The following MIB1 variants were observed in gnomAD, a reference collection of about 807,000 sequenced individuals.
MIB1 encodes the protein MIB E3 ubiquitin protein ligase 1.
In MIB1, 278 loss-of-function variants were observed where a neutral mutation model predicts 124.5. The ratio of observed to expected loss-of-function variants is 2.23; its 90% CI spans 2.02 to 2.47. MIB1 has a LOEUF of 2.47. Among genes scored for constraint, MIB1 ranks in the 30% most tolerant of loss-of-function variants. The pLI is 0.00. For missense variants in MIB1, 957 were observed against 1,254.4 expected (o/e 0.76, Z 3.58); for synonymous variants, 446 against 429.4 (o/e 1.04, Z -0.48).
chr18:21,778,277 T>C, intron 5 of MIB1, 108 bp downstream of exon 5: 1 of 734,586 alleles, frequency 1.4e-6, no homozygotes, highest in Non-Finnish European at 2.2e-6. Context: ...TAAAGTTACT[T>C]AGAGAAAAAA....
upstream of MIB1, among the ~76,000 whole-genome samples, chr18:21,739,935 C>A (rs938284985): frequency 1.3e-4 from 19 of 149,422 alleles, no homozygotes; most frequent in South Asian, 6.3e-4. Flanking sequence ...AAAAAAAAAA[C>A]AACAACAAAA....
At chr18:21,720,541 A>G (rs890202532) in intron 1 of MIB1, among the ~76,000 whole-genome samples, 17 of 151,990 alleles carry the variant, frequency 1.1e-4, no homozygotes, top group African/African-American at 3.6e-4. Context: ...TCAGAGGTCT[A>G]TGCAATGTGT....
chr18:21,793,066 G>A lies in MIB1; in HGVS notation c.1092+1509G>A, dbSNP rs150378306. ...ACAGCTATTGAGTCTGCATCTCTTC[G>A]TATGGGAGCAGAGAGAATTAATGAG... On this transcript the variant is annotated intron_variant, in intron 7 of 20. Coordinates refer to ENST00000261537, the MANE Select transcript of MIB1 (RefSeq NM_020774.4). Among the ~76,000 whole-genome samples, 489 of 152,284 alleles carry A rather than the reference G, an allele frequency of 3.2e-3. 1 individual carries two copies. Among genetic ancestry groups the A allele is most frequent in the Non-Finnish European group, 5.4e-3 (370 of 68,018 alleles).
Position 21,846,399 on chromosome 18 carries a change from C to T in MIB1, c.2212-545C>T, listed in dbSNP as rs114953686. On this transcript the variant is annotated intron_variant, in intron 15 of 20. Transcript: ENST00000261537. Reference sequence around the variant, plus strand: ...ATTTTAGACACTCAATAAATGTTAACAGTTATTGTGACTATTTTCACATAA... The same window carrying T: ...ATTTTAGACACTCAATAAATGTTAATAGTTATTGTGACTATTTTCACATAA... Among the ~76,000 whole-genome samples the T allele has an allele frequency of 9.3e-3, 1,413 of 152,208 alleles. 17 individuals are homozygous for T. Among genetic ancestry groups the T allele is most frequent in the African/African-American group, 0.028 (1,162 of 41,514 alleles).
chr18:21,864,500 T>A, intron 20 of MIB1, 26 bp from the exon 21 acceptor site: 1 of 1,573,252 alleles, frequency 6.4e-7, no homozygotes, highest in South Asian at 1.1e-5. Flanking sequence ...GTGTCTAATT[T>A]ATTACTTTGT....
intron 1 of MIB1, among the ~76,000 whole-genome samples, chr18:21,718,630 C>T (rs2040700503): frequency 6.6e-6 from 1 of 152,218 alleles, no homozygotes; most frequent in Admixed American, 6.5e-5. Context: ...GCGAATTATG[C>T]ATTGTTGTTT....
chr18:21,810,978 A>G (rs1016679279), intron 10 of MIB1, among the ~76,000 whole-genome samples: 2 of 152,160 alleles, frequency 1.3e-5, no homozygotes, highest in African/African-American at 2.4e-5. Context: ...TTTTCAAATC[A>G]TGTATCTGAT....
chr18:21,817,677 T>C lies in MIB1; in HGVS notation c.1678-1818T>C, dbSNP rs147272166. ...TTTTCTAGGCTTTGTCCACATGGCTTAGGGGAGCATAGGGCTCTGCCCCAT... is the reference window on the plus strand; with the variant it reads ...TTTTCTAGGCTTTGTCCACATGGCTCAGGGGAGCATAGGGCTCTGCCCCAT... On this transcript the variant is annotated intron_variant, in intron 11 of 20. Coordinates refer to ENST00000261537, the MANE Select transcript of MIB1 (RefSeq NM_020774.4). 43 of 446,518 alleles carry C rather than the reference T, an allele frequency of 9.6e-5. No individual in the cohort carries two copies. In the East Asian group the frequency reaches 1.6e-3, roughly 16 times the overall value. 27.7% of individuals were successfully genotyped at this position (446,518 alleles called of 1,614,324 possible).
At chr18:21,797,630 C>CA (rs1300110454) in intron 7 of MIB1, among the ~76,000 whole-genome samples, 1 of 151,896 alleles carries the variant, frequency 6.6e-6, no homozygotes, top group Non-Finnish European at 1.5e-5. Context: ...CAGATGATTC[C>CA]AAAAAGGGTT....
chr18:21,805,669 T>G (rs1018637939), intron 10 of MIB1, among the ~76,000 whole-genome samples: 3 of 151,980 alleles, frequency 2.0e-5, no homozygotes, highest in Non-Finnish European at 4.4e-5. Context: ...TCCTTCTGAT[T>G]ACAGCTAATA....
intron 11 of MIB1, among the ~76,000 whole-genome samples, chr18:21,817,351 C>T (rs2041839718): frequency 6.6e-6 from 1 of 151,844 alleles, no homozygotes; most frequent in Non-Finnish European, 1.5e-5. Flanking sequence ...TCTCAAACTT[C>T]TGGTCTCAAG....
At chr18:21,739,955 CAAAA>C (rs937885690), upstream of MIB1, among the ~76,000 whole-genome samples, 3 of 151,160 alleles carry the variant, frequency 2.0e-5, no homozygotes, top group South Asian at 6.3e-4. Context: ...AAAAACCAAA[CAAAA>C]AAAATTTTAT....
At chr18:21,781,367 A>ATATATATG (rs2041361207) in intron 6 of MIB1, among the ~76,000 whole-genome samples, 7 of 2,618 alleles carry the variant, frequency 2.7e-3, no homozygotes, top group Admixed American at 0.018. Flanking sequence ...TGTTCAAGTT[A>ATATATATG]TATATATATA....
At chr18:21,775,936 C>G (rs1364332546) in intron 4 of MIB1, among the ~76,000 whole-genome samples, 1 of 152,000 alleles carries the variant, frequency 6.6e-6, no homozygotes, top group Non-Finnish European at 1.5e-5. Context: ...AGGATAGATT[C>G]CTAGAAGTAA....
Position 21,741,880 on chromosome 18 carries a change from G to C in MIB1, c.229+68G>C, listed in dbSNP as rs993802228. 15 of 1,391,642 alleles carry C rather than the reference G, an allele frequency of 1.1e-5. No homozygotes were observed. Among genetic ancestry groups the C allele is most frequent in the Non-Finnish European group, 1.2e-5 (12 of 1,034,184 alleles). The allele number at this position is 1,391,642 out of a possible 1,614,324, so 86.2% of individuals were successfully genotyped here. A position where few individuals can be genotyped will look rare whatever the true frequency, so the allele number is the denominator to read the frequency against. ...AAGGGGCGAGCTGCGGTGGGCGTCG[G>C]TGTCGCGGGGAGAGGTCTGCAGTGG... On this transcript the variant is annotated intron_variant, in intron 1 of 20. Coordinates refer to ENST00000261537, the MANE Select transcript of MIB1 (RefSeq NM_020774.4). The surrounding 1 kb of genome is among the most constrained non-coding windows in gnomAD (Gnocchi z 5.4).
intron 3 of MIB1, among the ~76,000 whole-genome samples, chr18:21,772,542 A>T (rs1404321003): frequency 6.6e-6 from 1 of 152,190 alleles, no homozygotes; most frequent in African/African-American, 2.4e-5. Flanking sequence ...TGGATTTGGG[A>T]TGCTCTAAGT....
chr18:21,794,688 A>G (rs1458023570), intron 7 of MIB1, among the ~76,000 whole-genome samples: 1 of 152,170 alleles, frequency 6.6e-6, no homozygotes, highest in Non-Finnish European at 1.5e-5. Flanking sequence ...GATGAGAGAA[A>G]GTATCCAGGA....
At chr18:21,772,112 A>T (rs1188090947) in intron 3 of MIB1, among the ~76,000 whole-genome samples, 1 of 152,256 alleles carries the variant, frequency 6.6e-6, no homozygotes, top group Non-Finnish European at 1.5e-5. Context: ...GATCTTAAAC[A>T]TAAAACCTTT....
chr18:21,787,704 C>T (rs919888141), intron 6 of MIB1, among the ~76,000 whole-genome samples: 1 of 150,542 alleles, frequency 6.6e-6, no homozygotes, highest in Non-Finnish European at 1.5e-5. Context: ...GGGATCATTT[C>T]AGCTTCAGAC....
Sources: gnomAD v4.1 joint callset for allele counts (sites outside exome capture counted in the v4.1 genomes callset) on GRCh38, gnomAD v4.1.1 for gene constraint, Gnocchi (gnomAD v3.1) non-coding constraint, MANE v1.5 for transcripts, NCBI Gene and HGNC (gene_info 2026-07-23, HGNC 2026-07-21) for gene names.